The following LIPE variants were observed in gnomAD, a reference collection of about 807,000 sequenced individuals.
The protein encoded by LIPE is lipase E, hormone sensitive type, also known as hormone-sensitive lipase.
A neutral mutation model predicts 88.5 loss-of-function variants in LIPE; 66 were observed. The ratio of observed to expected loss-of-function variants is 0.75; its 90% CI spans 0.61 to 0.91. The LOEUF (loss-of-function observed/expected upper bound fraction) is 0.91. Among genes scored for constraint, LIPE ranks in the 40% least tolerant of loss-of-function variants. LIPE has a pLI of 0.00. For missense variants in LIPE, 1,346 were observed against 1,434.7 expected, an observed-to-expected ratio of 0.94 and a Z score of 1.00; for synonymous variants, 570 against 617.5, an observed-to-expected ratio of 0.92 and a Z score of 1.14.
intron 1 of LIPE, among the ~76,000 whole-genome samples, chr19:42,418,242 C>A (rs535976522): frequency 6.6e-6 from 1 of 152,320 alleles, no homozygotes; most frequent in South Asian, 2.1e-4. Flanking sequence ...CTCGGCCTCC[C>A]AAAGTGCTGG....
In LIPE at chr19:42,401,910, C is replaced by T; in HGVS notation, c.3133G>A (p.Glu1045Lys). The T allele has an allele frequency of 1.3e-6, 2 of 1,551,630 alleles. No individual in the cohort carries two copies. The highest frequency in any genetic ancestry group is 1.7e-6 in the Non-Finnish European group (2 of 1,154,154). Residue 1045 changes from glutamate (E) to lysine (K), a missense_variant, in exon 10 of 10, where the codon GAG (glutamate) becomes AAG (lysine). Physicochemically the swap from Glu to Lys is moderately conservative, Grantham distance 56. Coordinates refer to ENST00000244289, the MANE Select transcript of LIPE (RefSeq NM_005357.4). ...ETRQAAELCV[E>K]RIRLVLTPPA... is the part of the protein sequence containing the mutation. ...GGAGTGAGGACGAGGCGGATGCGCT[C>T]CACGCACAGCTCTGCGGCCTGGCGC...
chr19:42,425,759 A>G (rs747461711), intron 1 of LIPE, among the ~76,000 whole-genome samples: 26 of 152,160 alleles, frequency 1.7e-4, no homozygotes, highest in Admixed American at 6.5e-4. Flanking sequence ...GCAGTGAGCC[A>G]TGATCATACC....
Position 42,427,304 on chromosome 19 carries a change from A to G in LIPE, c.-155T>C. On this transcript the variant is annotated 5_prime_UTR_variant, in exon 1 of 10. Coordinates refer to ENST00000244289, the MANE Select transcript of LIPE (RefSeq NM_005357.4). ...CTAGCATCACTGGTCTTCCTTTTTA[A>G]GGCAGCTGGCAGTTGGCCGATCACA... 1 of 1,391,972 alleles carries G rather than the reference A, an allele frequency of 7.2e-7. No individual in the cohort carries two copies. The highest frequency in any genetic ancestry group is 9.3e-7 in the Non-Finnish European group (1 of 1,072,076). The allele number at this position is 1,391,972 out of a possible 1,614,324, so 86.2% of individuals were successfully genotyped here.
rs201006348 is a variant in LIPE at position 42,408,071 on chromosome 19, C to T, written c.1561G>A (p.Glu521Lys). 3.3e-4 allele frequency: 528 copies of T among 1,613,904 alleles called. No homozygotes were observed. The highest frequency in any genetic ancestry group is 1.7e-3 in the East Asian group (78 of 44,888). Residue 521 changes from glutamate to lysine, a missense_variant, in exon 4 of 10, where the codon GAG becomes AAG. By Grantham distance (56) the Glu-to-Lys change is moderately conservative. Coordinates refer to ENST00000244289, the MANE Select transcript of LIPE (RefSeq NM_005357.4). The surrounding 1 kb of genome is among the most constrained non-coding windows in gnomAD (Gnocchi z 4.3). ...CGCTCAAACTCAGCCCCACGCAGCT[C>T]GGGGTCGATGGCAAAGCGGCCGCTG... ...FTSGRFAIDP[E>K]LRGAEFERIT...
chr19:42,401,991 C>T lies in LIPE; in HGVS notation c.3052G>A (p.Val1018Met), dbSNP rs565024075. 9.0e-6 allele frequency: 14 copies of T among 1,554,466 alleles called. No homozygotes were observed. Among genetic ancestry groups the T allele is most frequent in the Non-Finnish European group, 1.0e-5 (12 of 1,152,010 alleles). Residue 1018 changes from valine to methionine, a missense_variant, in exon 10 of 10, where the codon GTG (valine) becomes ATG (methionine). Val to Met is a conservative substitution (Grantham distance 21). Coordinates refer to ENST00000244289, the MANE Select transcript of LIPE (RefSeq NM_005357.4). ...RNLGQPVTLRVVEDLPHGFLT... is the reference protein window; with the variant it reads ...RNLGQPVTLRMVEDLPHGFLT... ...AAGCCGTGCGGCAGGTCCTCCACCA[C>T]GCGCAGCGTCACCGGCTGGCCCAGG...
chr19:42,409,818 A>G (rs1173890552), intron 2 of LIPE, among the ~76,000 whole-genome samples: 1 of 149,996 alleles, frequency 6.7e-6, no homozygotes, highest in Non-Finnish European at 1.5e-5. Context: ...TGGTGAGGGG[A>G]GGTTTCCAGG....
chr19:42,420,173 G>C (rs1568611664), intron 1 of LIPE, among the ~76,000 whole-genome samples: 1 of 152,074 alleles, frequency 6.6e-6, no homozygotes, highest in Non-Finnish European at 1.5e-5. Flanking sequence ...ATAACCCCCG[G>C]GGTCACACGG....
Position 42,403,028 on chromosome 19 carries a change from G to C in LIPE, c.2546C>G (p.Pro849Arg). 6.4e-7 allele frequency: 1 copy of C among 1,550,894 alleles called. No homozygotes were observed. Among genetic ancestry groups the C allele is most frequent in the Non-Finnish European group, 8.7e-7 (1 of 1,149,994 alleles). Residue 849 changes from proline (P) to arginine (R), a missense_variant, in exon 9 of 10, where the codon CCG (proline) becomes CGG (arginine). Physicochemically the swap from Pro to Arg is moderately radical, Grantham distance 103. Transcript: ENST00000244289. ...TGCTTCAGACACACTGCGGCGCATC[G>C]GCTCTGAGAGAGGGAGAGCAGATAG... Reference protein sequence around the residue: ...SQKMSEPIAEPMRRSVSEAAL... With the variant: ...SQKMSEPIAERMRRSVSEAAL...
intron 1 of LIPE, among the ~76,000 whole-genome samples, chr19:42,418,020 T>C (rs2040524383): frequency 6.6e-6 from 1 of 151,810 alleles, no homozygotes; most frequent in Admixed American, 6.6e-5. Flanking sequence ...TTCGCTCTTG[T>C]TGCCCAGGCT....
chr19:42,418,308 G>A, intron 1 of LIPE, among the ~76,000 whole-genome samples: 1 of 152,132 alleles, frequency 6.6e-6, no homozygotes, highest in East Asian at 1.9e-4. Context: ...AAGTTCTACT[G>A]TGGACCAAAT....
rs1030833973 is a variant in LIPE at position 42,426,101 on chromosome 19, C to CTT, written c.883+164_883+165dup. On this transcript the variant is annotated intron_variant, in intron 1 of 9. Coordinates refer to ENST00000244289, the MANE Select transcript of LIPE (RefSeq NM_005357.4). Reference sequence around the variant, plus strand: ...ACAGGTGTGAGCCACTGCGCCCAGCCTTTTTTTTTTTTTTTTTTTTTTTTA... The same window carrying CTT: ...ACAGGTGTGAGCCACTGCGCCCAGCCTTTTTTTTTTTTTTTTTTTTTTTTTTA... 4.5e-3 allele frequency among the ~76,000 whole-genome samples: 469 copies of CTT among 104,060 alleles called. 8 individuals are homozygous for CTT. Among genetic ancestry groups the CTT allele is most frequent in the African/African-American group, 0.017 (409 of 24,328 alleles). The allele number at this position is 104,060 out of a possible 152,430, so 68.3% of individuals were successfully genotyped here. A position where few individuals can be genotyped will look rare whatever the true frequency, so the allele number is the denominator to read the frequency against.
chr19:42,426,725 C>G lies in LIPE; in HGVS notation c.425G>C (p.Gly142Ala). 3.1e-6 allele frequency: 5 copies of G among 1,614,192 alleles called. No homozygotes were observed. Among genetic ancestry groups the G allele is most frequent in the Non-Finnish European group, 4.2e-6 (5 of 1,180,038 alleles). The change falls in exon 1 of 10, where the codon GGG (glycine) becomes GCG (alanine). Residue 142 changes from glycine (G) to alanine (A), a missense_variant. Coordinates refer to ENST00000244289, the MANE Select transcript of LIPE (RefSeq NM_005357.4). ...RQRHVAQPGP[G>A]PGEPPPAQQE... ...TTGAGCTGGAGGTGGCTCTCCTGGC[C>G]CAGGCCCTGGCTGGGCTACATGTCT...
Position 42,427,136 on chromosome 19 carries a change from G to C in LIPE, c.14C>G (p.Ser5Cys), listed in dbSNP as rs1370001581. The C allele has an allele frequency of 1.3e-6, 2 of 1,594,866 alleles. No individual in the cohort carries two copies. Among genetic ancestry groups the C allele is most frequent in the Middle Eastern group, 1.7e-4 (1 of 5,924 alleles). Residue 5 changes from serine to cysteine, a missense_variant, in exon 1 of 10, where the codon TCT becomes TGT. Physicochemically the swap from Ser to Cys is moderately radical, Grantham distance 112. Transcript: ENST00000244289. ...CCAGTCTGACCTAGACACTGACTTA[G>C]AACCTGGCTCCATTGTTATTTCCCT... Reference protein sequence around the residue: MEPGSKSVSRSDWQP... With the variant: MEPGCKSVSRSDWQP...
rs867096502 is a variant in LIPE, at chr19:42,401,954, G to C, written c.3089C>G (p.Ala1030Gly). The C allele has an allele frequency of 7.1e-6, 11 of 1,557,446 alleles. No individual in the cohort carries two copies. The highest frequency in any genetic ancestry group is 1.4e-5 in the African/African-American group (1 of 73,290). Residue 1030 changes from alanine (A) to glycine (G), a missense_variant, in exon 10 of 10, where the codon GCG becomes GGG. By Grantham distance (60) the Ala-to-Gly change is moderately conservative (BLOSUM62 0). Transcript: ENST00000244289. ...CTGGCGCGTCTCGCGGCACAGCGCC[G>C]CTAGGGTCAGGAAGCCGTGCGGCAG... ...EDLPHGFLTL[A>G]ALCRETRQAA...
chr19:42,406,497 T>G lies in LIPE; in HGVS notation c.2138-109A>C. On this transcript the variant is annotated intron_variant, in intron 6 of 9. Coordinates refer to ENST00000244289, the MANE Select transcript of LIPE (RefSeq NM_005357.4). This position sits in a 1 kb window ranked among gnomAD's most constrained non-coding sequence, Gnocchi z 5.7. Reference sequence around the variant, plus strand: ...GAACTGGGCTCTCCAAGGTGGGGTGTGGGGCACTCCAAGGCCTAGCAGACT... The same window carrying G: ...GAACTGGGCTCTCCAAGGTGGGGTGGGGGGCACTCCAAGGCCTAGCAGACT... 25 of 884,952 alleles carry G rather than the reference T, an allele frequency of 2.8e-5. No homozygotes were observed. The highest frequency in any genetic ancestry group is 4.1e-5 in the Non-Finnish European group (23 of 554,580). 54.8% of individuals were successfully genotyped at this position (884,952 alleles called of 1,614,324 possible).
At position 42,401,917 on chromosome 19, in the gene LIPE, C is replaced by G; in HGVS notation, c.3126G>C (p.Leu1042=). 1.3e-6 allele frequency: 2 copies of G among 1,554,350 alleles called. No homozygotes were observed. The highest frequency in any genetic ancestry group is 1.7e-6 in the Non-Finnish European group (2 of 1,155,202). Reference sequence around the variant, plus strand: ...GGACGAGGCGGATGCGCTCCACGCACAGCTCTGCGGCCTGGCGCGTCTCGC... The same window carrying G: ...GGACGAGGCGGATGCGCTCCACGCAGAGCTCTGCGGCCTGGCGCGTCTCGC... The part of the protein sequence containing the change: ...LCRETRQAAE[L]CVERIRLVLT... The change falls in exon 10 of 10, where the codon CTG becomes CTC. Residue 1042 remains leucine (L), a synonymous_variant. Transcript: ENST00000244289.
In LIPE at chr19:42,406,047, T is replaced by C; in HGVS notation, c.2365+114A>G. On this transcript the variant is annotated intron_variant, in intron 7 of 9. Transcript: ENST00000244289. This position sits in a 1 kb window ranked among gnomAD's most constrained non-coding sequence, Gnocchi z 5.7. ...AAAAAAAGGGACAAGGAGTCTTAGATTCCTCTGCCTGGCCTCTCCTTCCTC... is the reference window on the plus strand; with the variant it reads ...AAAAAAAGGGACAAGGAGTCTTAGACTCCTCTGCCTGGCCTCTCCTTCCTC... 1.2e-6 allele frequency: 1 copy of C among 813,426 alleles called. No individual in the cohort carries two copies. The highest frequency in any genetic ancestry group is 1.9e-6 in the Non-Finnish European group (1 of 514,044). 50.4% of individuals were successfully genotyped at this position (813,426 alleles called of 1,614,324 possible).
chr19:42,421,879 T>C (rs2040605047), intron 1 of LIPE, among the ~76,000 whole-genome samples: 1 of 152,204 alleles, frequency 6.6e-6, no homozygotes, highest in African/African-American at 2.4e-5. Flanking sequence ...AGGGCGGGGC[T>C]TCAGGAAATG....
chr19:42,406,036 G>A lies in LIPE; in HGVS notation c.2365+125C>T, dbSNP rs2040172268. The A allele has an allele frequency of 2.9e-6, 2 of 699,972 alleles. No individual in the cohort carries two copies. Among genetic ancestry groups the A allele is most frequent in the Middle Eastern group, 4.0e-4 (1 of 2,492 alleles). 43.4% of individuals were successfully genotyped at this position (699,972 alleles called of 1,614,324 possible). A position where few individuals can be genotyped will look rare whatever the true frequency, so the allele number is the denominator to read the frequency against. On this transcript the variant is annotated intron_variant, in intron 7 of 9. Transcript: ENST00000244289. This position sits in a 1 kb window ranked among gnomAD's most constrained non-coding sequence, Gnocchi z 5.7. The stretch of plus-strand genomic sequence containing the variant: ...CACACACACGAAAAAAAAGGGACAA[G>A]GAGTCTTAGATTCCTCTGCCTGGCC...
Sources: gnomAD v4.1 joint callset for allele counts (sites outside exome capture counted in the v4.1 genomes callset) on GRCh38, gnomAD v4.1.1 for gene constraint, Gnocchi (gnomAD v3.1) non-coding constraint, MANE v1.5 for transcripts, NCBI Gene and HGNC (gene_info 2026-07-23, HGNC 2026-07-21) for gene names.